Variants in B3GALT1 observed in about 807,000 individuals in gnomAD.
The protein encoded by B3GALT1 is beta-1,3-galactosyltransferase 1, also known as UDP-Gal:betaGlcNAc beta 1,3-galactosyltransferase, polypeptide 1.
Under a neutral mutation model 23.2 loss-of-function variants are expected in B3GALT1, and 10 were observed. The observed-to-expected ratio is 0.43, with a 90% CI of 0.27 to 0.73. B3GALT1 has a LOEUF of 0.73. Ranked by LOEUF, B3GALT1 falls within the 30% of genes least tolerant of loss-of-function variation. The probability of loss-of-function intolerance (pLI) is 0.21; values close to 1 mark genes in which losing one functional copy is unlikely to be tolerated. For missense variants in B3GALT1, 299 were observed against 405.4 expected (o/e 0.74, Z 2.25); for synonymous variants, 156 against 141.5 (o/e 1.10, Z -0.73).
chr2:167,869,135 C>T lies in B3GALT1; in HGVS notation c.96C>T (p.Tyr32=). 8 of 1,614,202 alleles carry T rather than the reference C, an allele frequency of 5.0e-6. No homozygotes were observed. The highest frequency in any genetic ancestry group is 1.1e-5 in the South Asian group (1 of 91,078). The change falls in exon 5 of 5, where the codon TAC becomes TAT. Residue 32 remains tyrosine (Y), a synonymous_variant. Coordinates refer to ENST00000392690, the MANE Select transcript of B3GALT1 (RefSeq NM_020981.4). The surrounding 1 kb of genome is among the most constrained non-coding windows in gnomAD (Gnocchi z 6.4). ...YLSITRPTSS[Y]TGSKPFSHLT... ...GTATAACTCGCCCTACTTCTTCTTACACTGGCTCCAAACCATTCAGCCACC... is the reference window on the plus strand; with the variant it reads ...GTATAACTCGCCCTACTTCTTCTTATACTGGCTCCAAACCATTCAGCCACC...
chr2:167,358,958 C>A (rs910807569), intron 1 of B3GALT1, among the ~76,000 whole-genome samples: 1 of 152,086 alleles, frequency 6.6e-6, no homozygotes, highest in East Asian at 1.9e-4. Context: ...TGCACCACCA[C>A]GCCTGGCTAA....
intron 1 of B3GALT1, among the ~76,000 whole-genome samples, chr2:167,432,854 A>C (rs1019963406): frequency 6.6e-6 from 1 of 152,208 alleles, no homozygotes; most frequent in East Asian, 1.9e-4. Flanking sequence ...ACACATGCAT[A>C]GATAACCTCC....
At chr2:167,340,335 A>C (rs1357603) in intron 1 of B3GALT1, among the ~76,000 whole-genome samples, 111,631 of 140,540 alleles carry the variant, frequency 0.79, 47,205 homozygotes, top group Non-Finnish European at 0.95. Context: ...AAAAAAAAAA[A>C]CAGAGCTTTT....
intron 1 of B3GALT1, among the ~76,000 whole-genome samples, chr2:167,467,550 C>A (rs866202864): frequency 1.3e-5 from 2 of 152,138 alleles, no homozygotes; most frequent in South Asian, 4.1e-4. Flanking sequence ...GACATGATGA[C>A]ATATGACTGG....
chr2:167,383,715 T>G lies in B3GALT1; in HGVS notation c.-511+90381T>G, dbSNP rs1252795439. Among the ~76,000 whole-genome samples the G allele has an allele frequency of 4.6e-5, 7 of 152,216 alleles. No individual in the cohort carries two copies. In the East Asian group the frequency reaches 1.3e-3, roughly 29 times the overall value. Reference sequence around the variant, plus strand: ...GCAAATGCATGAGTATCTAGATACTTAGTCTGGCTGGTATAACTGTTCACA... The same window carrying G: ...GCAAATGCATGAGTATCTAGATACTGAGTCTGGCTGGTATAACTGTTCACA... On this transcript the variant is annotated intron_variant, in intron 1 of 4. Transcript: ENST00000392690.
chr2:167,809,842 A>T (rs369276118), intron 3 of B3GALT1, among the ~76,000 whole-genome samples: 1 of 151,930 alleles, frequency 6.6e-6, no homozygotes, highest in Non-Finnish European at 1.5e-5. Flanking sequence ...TCTGCAGAGG[A>T]TTCTGCTGCC....
intron 2 of B3GALT1, among the ~76,000 whole-genome samples, chr2:167,527,157 G>A (rs1171986344): frequency 6.6e-6 from 1 of 151,622 alleles, no homozygotes; most frequent in Non-Finnish European, 1.5e-5. Context: ...CATTTCTTGG[G>A]AGGAATTCCT....
At chr2:167,835,594 T>A (rs1574290341) in intron 4 of B3GALT1, among the ~76,000 whole-genome samples, 1 of 152,246 alleles carries the variant, frequency 6.6e-6, no homozygotes, top group South Asian at 2.1e-4. Flanking sequence ...AGGCTCCACC[T>A]CTGGGGGCAG....
intron 2 of B3GALT1, among the ~76,000 whole-genome samples, chr2:167,642,397 T>C (rs1685668865): frequency 6.6e-6 from 1 of 152,194 alleles, no homozygotes; most frequent in Non-Finnish European, 1.5e-5. Context: ...GTTTTGTCCA[T>C]GTTCAATGGA....
intron 2 of B3GALT1, among the ~76,000 whole-genome samples, chr2:167,523,567 A>G (rs1683158853): frequency 6.6e-6 from 1 of 152,074 alleles, no homozygotes; most frequent in African/African-American, 2.4e-5. Flanking sequence ...CTGGGATTAC[A>G]GGTGTGCACC....
intron 3 of B3GALT1, among the ~76,000 whole-genome samples, chr2:167,697,835 C>T (rs553800681): frequency 2.6e-5 from 4 of 152,180 alleles, no homozygotes; most frequent in African/African-American, 4.8e-5. Flanking sequence ...AACAAACAAG[C>T]GAAGTGGAAG....
intron 3 of B3GALT1, among the ~76,000 whole-genome samples, chr2:167,807,644 C>G (rs756582175): frequency 4.5e-4 from 69 of 152,108 alleles, no homozygotes; most frequent in Non-Finnish European, 9.3e-4. Flanking sequence ...TTTCTTAATC[C>G]TGAGTTCTAG....
chr2:167,311,889 GAAA>G (rs1252381505), intron 1 of B3GALT1, among the ~76,000 whole-genome samples: 1 of 151,856 alleles, frequency 6.6e-6, no homozygotes, highest in Non-Finnish European at 1.5e-5. Flanking sequence ...TGTAGTTCCA[GAAA>G]AACAGGAAAG....
intron 1 of B3GALT1, among the ~76,000 whole-genome samples, chr2:167,412,430 A>G (rs1009185459): frequency 6.6e-6 from 1 of 152,192 alleles, no homozygotes; most frequent in Non-Finnish European, 1.5e-5. Flanking sequence ...AATCAAATAG[A>G]GAAATGAGCA....
Position 167,295,965 on chromosome 2 carries a change from G to A in B3GALT1, c.-511+2631G>A, listed in dbSNP as rs963424076. 1.5e-4 allele frequency among the ~76,000 whole-genome samples: 23 copies of A among 152,332 alleles called. 1 individual carries two copies. The highest frequency in any genetic ancestry group is 1.3e-3 in the Admixed American group (20 of 15,302). On this transcript the variant is annotated intron_variant, in intron 1 of 4. Transcript: ENST00000392690. Reference sequence around the variant, plus strand: ...AAATGATGCAGAGTTGGGGTTGGGGGTGGGCACAGGCTTTAGGGAGCTAAT... The same window carrying A: ...AAATGATGCAGAGTTGGGGTTGGGGATGGGCACAGGCTTTAGGGAGCTAAT...
intron 1 of B3GALT1, among the ~76,000 whole-genome samples, chr2:167,357,321 C>T (rs1316827260): frequency 6.6e-6 from 1 of 151,460 alleles, no homozygotes; most frequent in African/African-American, 2.4e-5. Flanking sequence ...TATTGCAAAT[C>T]CAGGAGAAAA....
At position 167,832,172 on chromosome 2, in the gene B3GALT1, T is replaced by A. The variant is rs1689366249; in HGVS notation, c.-230+13379T>A. Among the ~76,000 whole-genome samples, 4 of 152,332 alleles carry A rather than the reference T, an allele frequency of 2.6e-5. No individual in the cohort carries two copies. In the South Asian group the frequency reaches 6.2e-4, roughly 24 times the overall value. ...GAAGTGCCATAGAGAGCTGCTGATG[T>A]TCAACCATTTTTAAGCTACATAAAT... On this transcript the variant is annotated intron_variant, in intron 4 of 4. Coordinates refer to ENST00000392690, the MANE Select transcript of B3GALT1 (RefSeq NM_020981.4).
At chr2:167,850,764 TATAAGGATGTAAAGGC>T (rs1467260569) in intron 4 of B3GALT1, among the ~76,000 whole-genome samples, 6 of 151,594 alleles carry the variant, frequency 4.0e-5, no homozygotes, top group Non-Finnish European at 1.5e-5. Context: ...GGAGCTAAGC[TATAAGGATGTAAAGGC>T]ATAAGAATGA....
chr2:167,313,453 T>A (rs1238395908), intron 1 of B3GALT1, among the ~76,000 whole-genome samples: 1 of 152,132 alleles, frequency 6.6e-6, no homozygotes, highest in African/African-American at 2.4e-5. Context: ...GATACCTGTA[T>A]ATAGAAAAAC....
Sources: gnomAD v4.1 joint callset for allele counts (sites outside exome capture counted in the v4.1 genomes callset) on GRCh38, gnomAD v4.1.1 for gene constraint, Gnocchi (gnomAD v3.1) non-coding constraint, MANE v1.5 for transcripts, NCBI Gene and HGNC (gene_info 2026-07-23, HGNC 2026-07-21) for gene names.